Variants in KPNA6 observed in about 807,000 individuals in gnomAD.
KPNA6 encodes the protein importin subunit alpha-7.
A neutral mutation model predicts 72.0 loss-of-function variants in KPNA6; 9 were observed. The ratio of observed to expected loss-of-function variants is 0.13; its 90% CI spans 0.08 to 0.22. The LOEUF is 0.22. KPNA6 is among the 10% of genes least tolerant of loss of function. The pLI is 1.00. For missense variants in KPNA6, 374 were observed against 655.7 expected (o/e 0.57, Z 4.69); for synonymous variants, 219 against 242.1 (o/e 0.90, Z 0.89).
At chr1:32,119,032 A>ATATATATT (rs1167325052) in intron 1 of KPNA6, among the ~76,000 whole-genome samples, 60 of 40,268 alleles carry the variant, frequency 1.5e-3, no homozygotes, top group Non-Finnish European at 1.6e-3. Flanking sequence ...ATATATATAT[A>ATATATATT]TTTTTTTTTT....
At chr1:32,148,848 C>T (rs1371003035) in intron 1 of KPNA6, among the ~76,000 whole-genome samples, 2 of 151,928 alleles carry the variant, frequency 1.3e-5, no homozygotes, top group Middle Eastern at 3.2e-3. Flanking sequence ...TGAGCCACTG[C>T]GCCCGGCCCC....
At position 32,175,239 on chromosome 1, in the gene KPNA6, G is replaced by A. The variant is rs1309190205; in HGVS notation, c.*4345G>A. 2.0e-5 allele frequency: 3 copies of A among 152,264 alleles called. No individual in the cohort carries two copies. The highest frequency in any genetic ancestry group is 4.4e-5 in the Non-Finnish European group (3 of 68,070). 9.4% of individuals were successfully genotyped at this position (152,264 alleles called of 1,614,324 possible). ...CAGGCTGTGAGAGTTAGAAGAGGCA[G>A]TATTACATGTTAGGCCCAGAACACC... On this transcript the variant is annotated 3_prime_UTR_variant, in exon 14 of 14. Coordinates refer to ENST00000373625, the MANE Select transcript of KPNA6 (RefSeq NM_012316.5).
intron 1 of KPNA6, among the ~76,000 whole-genome samples, chr1:32,120,807 A>T (rs1016825667): frequency 3.3e-5 from 5 of 150,222 alleles, no homozygotes; most frequent in Non-Finnish European, 7.4e-5. Context: ...ACCTCAGGTG[A>T]TCCTCCCTCT....
At chr1:32,160,912 T>G (rs1407035594) in intron 7 of KPNA6, among the ~76,000 whole-genome samples, 1 of 152,200 alleles carries the variant, frequency 6.6e-6, no homozygotes, top group Admixed American at 6.5e-5. Flanking sequence ...ATCCCAGCAC[T>G]TTGGTAGGCC....
intron 1 of KPNA6, among the ~76,000 whole-genome samples, chr1:32,110,602 C>G (rs1407243369): frequency 6.6e-6 from 1 of 152,026 alleles, no homozygotes; most frequent in African/African-American, 2.4e-5. Context: ...TATTTGGGGA[C>G]TAAATAAGAT....
intron 12 of KPNA6, among the ~76,000 whole-genome samples, chr1:32,167,649 G>A (rs1461642886): frequency 6.6e-6 from 1 of 152,006 alleles, no homozygotes; most frequent in African/African-American, 2.4e-5. Context: ...ACCGTACTAT[G>A]GGTTACTCAA....
chr1:32,138,825 CTGAG>C (rs1641787484), intron 1 of KPNA6, among the ~76,000 whole-genome samples: 1 of 152,180 alleles, frequency 6.6e-6, no homozygotes, highest in Non-Finnish European at 1.5e-5. Flanking sequence ...GCAATGACTA[CTGAG>C]TGGGTCACTG....
chr1:32,137,202 G>A (rs1476963817), intron 1 of KPNA6, among the ~76,000 whole-genome samples: 1 of 152,102 alleles, frequency 6.6e-6, no homozygotes, highest in East Asian at 1.9e-4. Flanking sequence ...TTTGAGAAAG[G>A]GTCTTGCTCT....
At chr1:32,116,234 CT>C (rs1641326094) in intron 1 of KPNA6, among the ~76,000 whole-genome samples, 1 of 147,946 alleles carries the variant, frequency 6.8e-6, no homozygotes, top group Non-Finnish European at 1.5e-5. Context: ...GTGGCCCTAT[CT>C]TGGCTCACTG....
Position 32,171,013 on chromosome 1 carries a change from G to A in KPNA6, c.*119G>A. The A allele has an allele frequency of 1.2e-6, 1 of 865,406 alleles. No homozygotes were observed. The highest frequency in any genetic ancestry group is 1.6e-5 in the South Asian group (1 of 63,456). 53.6% of individuals were successfully genotyped at this position (865,406 alleles called of 1,614,324 possible). A position where few individuals can be genotyped will look rare whatever the true frequency, so the allele number is the denominator to read the frequency against. Reference sequence around the variant, plus strand: ...AGCCACCACACACCTCTGCTGCCCTGGAGACTGTGCTCTTGACCTGCTCCG... The same window carrying A: ...AGCCACCACACACCTCTGCTGCCCTAGAGACTGTGCTCTTGACCTGCTCCG... On this transcript the variant is annotated 3_prime_UTR_variant, in exon 14 of 14. Coordinates refer to ENST00000373625, the MANE Select transcript of KPNA6 (RefSeq NM_012316.5).
At chr1:32,145,191 C>T (rs977721684) in intron 1 of KPNA6, among the ~76,000 whole-genome samples, 8 of 151,186 alleles carry the variant, frequency 5.3e-5, no homozygotes, top group African/African-American at 1.9e-4. Context: ...AATCTCCTGA[C>T]CTCGTGATCC....
At chr1:32,144,063 C>T (rs769413910) in intron 1 of KPNA6, among the ~76,000 whole-genome samples, 2 of 152,140 alleles carry the variant, frequency 1.3e-5, no homozygotes, top group South Asian at 2.1e-4. Context: ...CCTATACATA[C>T]GTACCTATGA....
In KPNA6 at chr1:32,156,850, C is replaced by A; in HGVS notation, c.139-3C>A. 6.2e-7 allele frequency: 1 copy of A among 1,611,964 alleles called. No individual in the cohort carries two copies. The highest frequency in any genetic ancestry group is 8.5e-7 in the Non-Finnish European group (1 of 1,178,138). On this transcript the variant is annotated splice_polypyrimidine_tract_variant and splice_region_variant and intron_variant, in intron 2 of 13. Coordinates refer to ENST00000373625, the MANE Select transcript of KPNA6 (RefSeq NM_012316.5). ...CTCTTAACCACTGTCTCTTTACTTT[C>A]AGCTTTTTAAACGGAGAAATGTGGA... is the stretch of plus-strand genomic sequence containing the variant.
At chr1:32,147,013 G>A (rs1452825738) in intron 1 of KPNA6, among the ~76,000 whole-genome samples, 4 of 151,804 alleles carry the variant, frequency 2.6e-5, no homozygotes, top group African/African-American at 7.3e-5. Context: ...ATACCACCAC[G>A]TCCGGCTAAT....
At chr1:32,163,374 C>A in intron 10 of KPNA6, 61 bp downstream of exon 10, 2 of 1,248,700 alleles carry the variant, frequency 1.6e-6, no homozygotes, top group Non-Finnish European at 2.3e-6. Context: ...GGAGAGCTGC[C>A]AGTGGACAAA....
chr1:32,169,829 G>A, intron 12 of KPNA6, 53 bp from the exon 13 acceptor site: 1 of 1,515,136 alleles, frequency 6.6e-7, no homozygotes, highest in Middle Eastern at 1.9e-4. Context: ...CACCTGCCCA[G>A]CACTTCATGT....
At chr1:32,127,611 C>T (rs933003397) in intron 1 of KPNA6, among the ~76,000 whole-genome samples, 17 of 152,170 alleles carry the variant, frequency 1.1e-4, no homozygotes, top group South Asian at 2.1e-4. Flanking sequence ...TGTCTGAAGA[C>T]GAGTTGTGGG....
At chr1:32,158,235 T>A in intron 4 of KPNA6, 32 bp from the exon 5 acceptor site, 1 of 1,460,874 alleles carries the variant, frequency 6.8e-7, no homozygotes. Flanking sequence ...AAGCTTCTCC[T>A]GTGTTTTTAT....
At chr1:32,167,965 A>G (rs72666770) in intron 12 of KPNA6, among the ~76,000 whole-genome samples, 2 of 152,118 alleles carry the variant, frequency 1.3e-5, no homozygotes, top group Admixed American at 1.3e-4. Context: ...CAGGAGTTCA[A>G]GACTAGCCTG....
Sources: allele counts gnomAD v4.1 joint callset (sites outside exome capture counted in the v4.1 genomes callset), GRCh38; gene constraint gnomAD v4.1.1; transcripts MANE v1.5; gene names NCBI Gene and HGNC (gene_info 2026-07-23, HGNC 2026-07-21).